The following ATP6V1H variants were observed in gnomAD, a reference collection of about 807,000 sequenced individuals.
ATP6V1H encodes the protein ATPase H+ transporting V1 subunit H.
In ATP6V1H, 39 loss-of-function variants were observed where a neutral mutation model predicts 71.7. The observed-to-expected ratio is 0.54, with a 90% CI of 0.42 to 0.71. ATP6V1H has a LOEUF of 0.71. Ranked by LOEUF, ATP6V1H falls within the 30% of genes least tolerant of loss-of-function variation. The pLI is 0.00. For synonymous variants in ATP6V1H, 192 were observed against 199.3 expected, an observed-to-expected ratio of 0.96 and a Z score of 0.31; for missense variants, 509 against 594.9, an observed-to-expected ratio of 0.86 and a Z score of 1.50.
intron 13 of ATP6V1H, among the ~76,000 whole-genome samples, chr8:53,719,637 G>A (rs1028314970): frequency 2.0e-5 from 3 of 152,220 alleles, no homozygotes; most frequent in African/African-American, 7.2e-5. Flanking sequence ...TCTGGACCGC[G>A]TTCCGAGCCA....
chr8:53,802,200 T>C (rs972666184), intron 7 of ATP6V1H, among the ~76,000 whole-genome samples: 2 of 152,232 alleles, frequency 1.3e-5, no homozygotes, highest in African/African-American at 4.8e-5. Context: ...TGCCTTGCAA[T>C]GTTTCACATA....
intron 7 of ATP6V1H, among the ~76,000 whole-genome samples, chr8:53,810,032 C>T (rs960411987): frequency 6.6e-6 from 1 of 152,180 alleles, no homozygotes; most frequent in African/African-American, 2.4e-5. Flanking sequence ...CATCTATGGT[C>T]TTGGAACATA....
chr8:53,813,149 T>A (rs1810338493), intron 6 of ATP6V1H, among the ~76,000 whole-genome samples: 1 of 152,258 alleles, frequency 6.6e-6, no homozygotes. Flanking sequence ...ATGTTTTAAA[T>A]AGCTTGTTTT....
chr8:53,766,510 A>G (rs1808471742), intron 11 of ATP6V1H, among the ~76,000 whole-genome samples: 1 of 152,266 alleles, frequency 6.6e-6, no homozygotes, highest in East Asian at 1.9e-4. Context: ...TCAGGGAATA[A>G]GAGAGATAAC....
intron 8 of ATP6V1H, among the ~76,000 whole-genome samples, chr8:53,799,906 T>C (rs1288232545): frequency 6.6e-6 from 1 of 152,220 alleles, no homozygotes; most frequent in Non-Finnish European, 1.5e-5. Flanking sequence ...CATCTTGGAC[T>C]TCCTGGCCTC....
At chr8:53,731,754 C>A (rs1807033050) in intron 13 of ATP6V1H, among the ~76,000 whole-genome samples, 1 of 152,244 alleles carries the variant, frequency 6.6e-6, no homozygotes, top group Non-Finnish European at 1.5e-5. Flanking sequence ...TCTTGGTTCC[C>A]TGACCGGGAA....
intron 2 of ATP6V1H, chr8:53,839,802 C>A: frequency 1.0e-6 from 1 of 985,432 alleles, no homozygotes; most frequent in Non-Finnish European, 1.2e-6. Context: ...ATCTGTTTTA[C>A]ATGCTAACTT....
intron 11 of ATP6V1H, among the ~76,000 whole-genome samples, chr8:53,763,603 G>C (rs1808351366): frequency 6.6e-6 from 1 of 151,928 alleles, no homozygotes; most frequent in Admixed American, 6.6e-5. Flanking sequence ...AAGGGACCCA[G>C]ATAGCCAAAA....
intron 13 of ATP6V1H, among the ~76,000 whole-genome samples, chr8:53,722,679 C>T (rs1044694746): frequency 1.1e-4 from 16 of 151,948 alleles, no homozygotes; most frequent in Admixed American, 2.6e-4. Flanking sequence ...GTTGAATAAA[C>T]GGTAGTTGAA....
intron 13 of ATP6V1H, among the ~76,000 whole-genome samples, chr8:53,729,183 C>A (rs1563438703): frequency 6.6e-6 from 1 of 150,800 alleles, no homozygotes; most frequent in Non-Finnish European, 1.5e-5. Context: ...TTTTGGCCAG[C>A]CCAGTTTTTG....
At chr8:53,778,400 A>G (rs902121385) in intron 9 of ATP6V1H, among the ~76,000 whole-genome samples, 1 of 152,142 alleles carries the variant, frequency 6.6e-6, no homozygotes, top group Admixed American at 6.5e-5. Context: ...TTTACTATCA[A>G]CCTACTGAAT....
intron 9 of ATP6V1H, among the ~76,000 whole-genome samples, chr8:53,774,262 G>A (rs979902345): frequency 3.9e-5 from 6 of 152,196 alleles, no homozygotes; most frequent in African/African-American, 1.4e-4. Context: ...AGAATTCTGA[G>A]TTTATAATTC....
At chr8:53,828,460 C>T (rs1022233257) in intron 4 of ATP6V1H, among the ~76,000 whole-genome samples, 12 of 152,198 alleles carry the variant, frequency 7.9e-5, no homozygotes, top group African/African-American at 2.6e-4. Flanking sequence ...GTCCGCATGC[C>T]GACTCACAGC....
chr8:53,787,559 T>C (rs1472924996), intron 9 of ATP6V1H, among the ~76,000 whole-genome samples: 3 of 152,260 alleles, frequency 2.0e-5, no homozygotes, highest in South Asian at 2.1e-4. Flanking sequence ...TAAGGCTTTC[T>C]GATGAAAAGT....
intron 12 of ATP6V1H, 47 bp downstream of exon 12, chr8:53,756,508 C>A: frequency 6.9e-7 from 1 of 1,457,148 alleles, no homozygotes; most frequent in Non-Finnish European, 9.6e-7. Flanking sequence ...TAGGACTCTA[C>A]ACTGAAGGTT....
chr8:53,739,894 T>G (rs927732146), intron 13 of ATP6V1H, among the ~76,000 whole-genome samples: 1 of 152,204 alleles, frequency 6.6e-6, no homozygotes, highest in Non-Finnish European at 1.5e-5. Context: ...TGGGTGCCAC[T>G]GTCCCCTCCC....
Position 53,788,922 on chromosome 8 carries a change from C to T in ATP6V1H, c.870+6725G>A, listed in dbSNP as rs151285196. Among the ~76,000 whole-genome samples the T allele has an allele frequency of 2.2e-3, 339 of 152,312 alleles. 2 individuals are homozygous for T. Among genetic ancestry groups the T allele is most frequent in the African/African-American group, 7.9e-3 (328 of 41,568 alleles). ...ATGGTGACTTTTTGAGCTTTGTATA[C>T]CGTAAACACAGTGACTTCATCAAGT... On this transcript the variant is annotated intron_variant, in intron 9 of 13. Coordinates refer to ENST00000359530, the MANE Select transcript of ATP6V1H (RefSeq NM_015941.4).
chr8:53,784,002 A>G (rs1288464557), intron 9 of ATP6V1H, among the ~76,000 whole-genome samples: 1 of 152,236 alleles, frequency 6.6e-6, no homozygotes, highest in Non-Finnish European at 1.5e-5. Context: ...GTGGTGCTGA[A>G]AAGAAAGTAT....
In ATP6V1H at chr8:53,809,724, T is replaced by TA. The variant is rs555797896; in HGVS notation, c.579+1439dup. 2.2e-3 allele frequency among the ~76,000 whole-genome samples: 339 copies of TA among 152,338 alleles called. 2 individuals are homozygous for TA. The highest frequency in any genetic ancestry group is 7.9e-3 in the African/African-American group (328 of 41,584). ...AACCACTTAAATAAGTTTGTAAGTCTAAAATAAGCTAAATAATTTTTCAAA... is the reference window on the plus strand; with the variant it reads ...AACCACTTAAATAAGTTTGTAAGTCTAAAAATAAGCTAAATAATTTTTCAAA... On this transcript the variant is annotated intron_variant, in intron 7 of 13. Transcript: ENST00000359530.
Sources: allele counts gnomAD v4.1 joint callset (sites outside exome capture counted in the v4.1 genomes callset), GRCh38; gene constraint gnomAD v4.1.1; transcripts MANE v1.5; gene names NCBI Gene and HGNC (gene_info 2026-07-23, HGNC 2026-07-21).